The following UBE2E2 variants were observed in gnomAD, a reference collection of about 807,000 sequenced individuals.
UBE2E2 encodes the protein ubiquitin conjugating enzyme E2 E2, also known as ubiquitin-conjugating enzyme E2 E2.
Under a neutral mutation model 24.7 loss-of-function variants are expected in UBE2E2, and 6 were observed. The ratio of observed to expected loss-of-function variants is 0.24; its 90% CI spans 0.13 to 0.48. The LOEUF is 0.48. Among genes scored for constraint, UBE2E2 ranks in the 20% least tolerant of loss-of-function variants. The pLI, the probability that UBE2E2 is intolerant of heterozygous loss-of-function variation, is 0.99. For synonymous variants in UBE2E2, 104 were observed against 83.6 expected (o/e 1.24, Z -1.33); for missense variants, 169 against 245.0 (o/e 0.69, Z 2.07).
intron 3 of UBE2E2, among the ~76,000 whole-genome samples, chr3:23,322,013 TA>T (rs1349743862): frequency 2.0e-5 from 3 of 152,176 alleles, no homozygotes; most frequent in Non-Finnish European, 4.4e-5. Flanking sequence ...TCCTTTGTCA[TA>T]AAAATAGAAA....
intron 3 of UBE2E2, among the ~76,000 whole-genome samples, chr3:23,386,898 T>C (rs1238524249): frequency 6.6e-6 from 1 of 152,228 alleles, no homozygotes; most frequent in East Asian, 1.9e-4. Flanking sequence ...TCTTCATACT[T>C]GGATCAGAAA....
rs146383714 is a variant in UBE2E2 at position 23,574,538 on chromosome 3, T to C, written c.509-15196T>C. Among the ~76,000 whole-genome samples, 74 of 152,224 alleles carry C rather than the reference T, an allele frequency of 4.9e-4. No homozygotes were observed. In the East Asian group the frequency reaches 6.4e-3, roughly 13 times the overall value. On this transcript the variant is annotated intron_variant, in intron 5 of 5. Transcript: ENST00000396703. Reference sequence around the variant, plus strand: ...CTATGTACCCACAAACATTAAAAATTATAAATTTTTATAAAGAAAGCAGTT... The same window carrying C: ...CTATGTACCCACAAACATTAAAAATCATAAATTTTTATAAAGAAAGCAGTT...
intron 3 of UBE2E2, among the ~76,000 whole-genome samples, chr3:23,439,159 T>C (rs1402172083): frequency 6.6e-6 from 1 of 152,256 alleles, no homozygotes; most frequent in Admixed American, 6.5e-5. Context: ...GAATTCATGA[T>C]GTTTTGCTTT....
At chr3:23,392,959 C>T (rs1023639173) in intron 3 of UBE2E2, among the ~76,000 whole-genome samples, 1 of 152,152 alleles carries the variant, frequency 6.6e-6, no homozygotes, top group African/African-American at 2.4e-5. Flanking sequence ...GTATAGGCCA[C>T]AAGTGCTAAG....
Position 23,540,552 on chromosome 3 carries a change from G to A in UBE2E2, c.508+7851G>A, listed in dbSNP as rs138897009. Reference sequence around the variant, plus strand: ...CCTGAGTAGCTGAGATTACAGGCGCGCACCACCACGCCCAGCTAATTTTTG... The same window carrying A: ...CCTGAGTAGCTGAGATTACAGGCGCACACCACCACGCCCAGCTAATTTTTG... On this transcript the variant is annotated intron_variant, in intron 5 of 5. Coordinates refer to ENST00000396703, the MANE Select transcript of UBE2E2 (RefSeq NM_152653.4). Among the ~76,000 whole-genome samples, 71 of 152,092 alleles carry A rather than the reference G, an allele frequency of 4.7e-4. 1 individual carries two copies. The highest frequency in any genetic ancestry group is 2.5e-3 in the Admixed American group (38 of 15,260).
intron 3 of UBE2E2, among the ~76,000 whole-genome samples, chr3:23,312,332 A>T (rs1266443450): frequency 3.9e-5 from 6 of 152,218 alleles, no homozygotes; most frequent in Non-Finnish European, 7.3e-5. Context: ...TACAATGCAT[A>T]ATAATCATAT....
At chr3:23,350,873 G>T (rs963940605) in intron 3 of UBE2E2, among the ~76,000 whole-genome samples, 1 of 152,104 alleles carries the variant, frequency 6.6e-6, no homozygotes, top group Non-Finnish European at 1.5e-5. Flanking sequence ...TCAGATTCAG[G>T]AAATACAGAG....
At chr3:23,374,024 A>G (rs1453516806) in intron 3 of UBE2E2, among the ~76,000 whole-genome samples, 1 of 152,236 alleles carries the variant, frequency 6.6e-6, no homozygotes, top group East Asian at 1.9e-4. Context: ...TATAATTCCT[A>G]CAGGATGCTT....
intron 3 of UBE2E2, among the ~76,000 whole-genome samples, chr3:23,355,496 A>G (rs1171823302): frequency 6.6e-6 from 1 of 152,216 alleles, no homozygotes; most frequent in African/African-American, 2.4e-5. Flanking sequence ...AGCCAAAGCA[A>G]AGTGTTTTAA....
Position 23,591,123 on chromosome 3 carries a change from G to A in UBE2E2, c.*1292G>A, listed in dbSNP as rs966082851. On this transcript the variant is annotated 3_prime_UTR_variant, in exon 6 of 6. Transcript: ENST00000396703. ...CAGGCTATTTTAGTGTGCAGCTATA[G>A]GAGGCAGAGGAAACGTGGGTGGTGT... is the stretch of plus-strand genomic sequence containing the variant. The A allele has an allele frequency of 1.3e-5, 2 of 152,172 alleles. No individual in the cohort carries two copies. Among genetic ancestry groups the A allele is most frequent in the African/African-American group, 4.8e-5 (2 of 41,400 alleles). The allele number at this position is 152,172 out of a possible 1,614,324, so 9.4% of individuals were successfully genotyped here. A position where few individuals can be genotyped will look rare whatever the true frequency, so the allele number is the denominator to read the frequency against.
intron 3 of UBE2E2, among the ~76,000 whole-genome samples, chr3:23,446,565 AC>A (rs1191202499): frequency 6.6e-6 from 1 of 152,096 alleles, no homozygotes; most frequent in Non-Finnish European, 1.5e-5. Context: ...CATCTTCCCT[AC>A]TGATAGGGAC....
At chr3:23,355,099 AATC>A (rs1403544849) in intron 3 of UBE2E2, among the ~76,000 whole-genome samples, 2 of 152,052 alleles carry the variant, frequency 1.3e-5, no homozygotes, top group Non-Finnish European at 2.9e-5. Flanking sequence ...TGAAATTGGA[AATC>A]ATCATTCTCA....
At chr3:23,267,459 A>G (rs1698081845) in intron 3 of UBE2E2, among the ~76,000 whole-genome samples, 2 of 152,262 alleles carry the variant, frequency 1.3e-5, no homozygotes, top group Admixed American at 6.5e-5. Flanking sequence ...ATCTAGAAGA[A>G]ATGGATAAAT....
chr3:23,209,891 A>G lies in UBE2E2; in HGVS notation c.176+1016A>G, dbSNP rs942672876. On this transcript the variant is annotated intron_variant, in intron 2 of 5. Transcript: ENST00000396703. The stretch of plus-strand genomic sequence containing the variant: ...TTCAGTTTCCCTTTCGTGGGGGTGT[A>G]TTGCTGATCTCTGTTGAAGGAGCTG... Among the ~76,000 whole-genome samples the G allele has an allele frequency of 1.2e-4, 18 of 152,156 alleles. No individual in the cohort carries two copies. In the Middle Eastern group the frequency reaches 0.014, roughly 115 times the overall value.
intron 3 of UBE2E2, among the ~76,000 whole-genome samples, chr3:23,385,489 G>T (rs1222989408): frequency 1.3e-5 from 2 of 152,150 alleles, no homozygotes; most frequent in Admixed American, 6.5e-5. Flanking sequence ...ATCCCGCATG[G>T]TTTCAAGGAT....
chr3:23,485,608 G>A (rs1699351019), intron 3 of UBE2E2, among the ~76,000 whole-genome samples: 1 of 152,136 alleles, frequency 6.6e-6, no homozygotes, highest in African/African-American at 2.4e-5. Flanking sequence ...GGAGGTGAGA[G>A]GATTAATTGT....
chr3:23,387,922 A>G (rs1696839558), intron 3 of UBE2E2, among the ~76,000 whole-genome samples: 1 of 152,190 alleles, frequency 6.6e-6, no homozygotes, highest in Non-Finnish European at 1.5e-5. Flanking sequence ...TGTGATCTAA[A>G]AATAACATAC....
intron 3 of UBE2E2, among the ~76,000 whole-genome samples, chr3:23,364,624 A>G (rs758879319): frequency 6.6e-6 from 1 of 152,236 alleles, no homozygotes; most frequent in African/African-American, 2.4e-5. Context: ...AAATTGAATC[A>G]GTAATAAAAA....
At chr3:23,349,568 A>G (rs1695665112) in intron 3 of UBE2E2, among the ~76,000 whole-genome samples, 1 of 152,198 alleles carries the variant, frequency 6.6e-6, no homozygotes. Flanking sequence ...AAAACGGCGC[A>G]CCAGGAGATT....
Sources: allele counts gnomAD v4.1 joint callset (sites outside exome capture counted in the v4.1 genomes callset), GRCh38; gene constraint gnomAD v4.1.1; transcripts MANE v1.5; gene names NCBI Gene and HGNC (gene_info 2026-07-23, HGNC 2026-07-21).